The following RRM1 variants were observed in gnomAD, a reference collection of about 807,000 sequenced individuals.
RRM1 encodes ribonucleotide reductase catalytic subunit M1.
RRM1 carries 19 observed loss-of-function variants against 101.5 expected under a neutral mutation model. That is an observed-to-expected ratio of 0.19 (90% CI 0.13 to 0.27). The LOEUF is 0.27. Among genes scored for constraint, RRM1 ranks in the 10% least tolerant of loss-of-function variants. The probability of loss-of-function intolerance (pLI) is 1.00; values close to 1 mark genes in which losing one functional copy is unlikely to be tolerated. For missense variants in RRM1, 500 were observed against 962.9 expected, an observed-to-expected ratio of 0.52 and a Z score of 6.36; for synonymous variants, 298 against 323.4, an observed-to-expected ratio of 0.92 and a Z score of 0.84.
chr11:4,105,094 T>A (rs1235085588), intron 2 of RRM1, among the ~76,000 whole-genome samples: 32 of 152,196 alleles, frequency 2.1e-4, no homozygotes, highest in Non-Finnish European at 8.8e-5. Flanking sequence ...AAGGCTATAC[T>A]TAGATTTTTT....
chr11:4,103,979 G>A (rs1457709017), intron 2 of RRM1, among the ~76,000 whole-genome samples: 1 of 151,334 alleles, frequency 6.6e-6, no homozygotes, highest in Non-Finnish European at 1.5e-5. Context: ...TTGGTTGGGT[G>A]TGGTGGCGCA....
rs1025678151 is a variant in RRM1, at chr11:4,095,141, G to A, written c.19+110G>A. 5 of 1,174,040 alleles carry A rather than the reference G, an allele frequency of 4.3e-6. No homozygotes were observed. In the African/African-American group the frequency reaches 6.3e-5, roughly 15 times the overall value. 72.7% of individuals were successfully genotyped at this position (1,174,040 alleles called of 1,614,324 possible). A position where few individuals can be genotyped will look rare whatever the true frequency, so the allele number is the denominator to read the frequency against. ...GCCTTCGCTGCTTCCCGCCTTTCCC[G>A]CATTTCCCGCCGCGGCCTTCCGCCC... On this transcript the variant is annotated intron_variant, in intron 1 of 18. Transcript: ENST00000300738.
chr11:4,137,402 AC>A (rs1400395213), intron 18 of RRM1: 4 of 114,824 alleles, frequency 3.5e-5, no homozygotes, highest in South Asian at 4.6e-4. Context: ...CGGGGGGCTG[AC>A]CCCCCACCTC....
intron 18 of RRM1, 62 bp downstream of exon 18, chr11:4,135,332 A>T (rs1267551247): frequency 8.2e-6 from 11 of 1,333,956 alleles, no homozygotes; most frequent in African/African-American, 1.5e-5. Flanking sequence ...CATTGGAATG[A>T]TTTTATGTTT....
rs185421286 is a variant in RRM1 at position 4,100,430 on chromosome 11, G to A, written c.20-1563G>A. Among the ~76,000 whole-genome samples, 173 of 152,308 alleles carry A rather than the reference G, an allele frequency of 1.1e-3. 2 individuals carry two copies. Among genetic ancestry groups the A allele is most frequent in the Non-Finnish European group, 1.2e-3 (79 of 68,032 alleles). ...TGGAATATTCGCATTATACTTACTG[G>A]TTGGGCATCCCTAATCAGAAAATCC... On this transcript the variant is annotated intron_variant, in intron 1 of 18. Transcript: ENST00000300738.
intron 3 of RRM1, among the ~76,000 whole-genome samples, chr11:4,106,549 C>T (rs538672503): frequency 1.3e-5 from 2 of 152,260 alleles, no homozygotes; most frequent in Admixed American, 6.5e-5. Flanking sequence ...GAGTTTGAGA[C>T]CAGCCTGGCC....
At chr11:4,094,787 A>T (rs2094540535), upstream of RRM1, 1 of 592,626 alleles carries the variant, frequency 1.7e-6, no homozygotes, top group South Asian at 2.0e-5. Context: ...CGTCATTCGA[A>T]CCCCGTCGCG....
intron 8 of RRM1, chr11:4,119,297 T>A (rs2094578215): frequency 6.0e-6 from 1 of 166,350 alleles, no homozygotes. Flanking sequence ...AAGGCTTGTG[T>A]TGGGATCAGA....
At chr11:4,136,734 TTTTGTTTG>T (rs141754906) in intron 18 of RRM1, among the ~76,000 whole-genome samples, 38 of 148,300 alleles carry the variant, frequency 2.6e-4, no homozygotes, top group South Asian at 6.3e-4. Flanking sequence ...GAATGTATTT[TTTTGTTTG>T]TTTGTTTGTT....
At chr11:4,122,542 A>C (rs1473565343) in intron 11 of RRM1, among the ~76,000 whole-genome samples, 1 of 152,182 alleles carries the variant, frequency 6.6e-6, no homozygotes, top group Non-Finnish European at 1.5e-5. Context: ...GCATAAAGGA[A>C]TCATGAGTGA....
intron 1 of RRM1, 95 bp downstream of exon 1, chr11:4,095,126 C>CTTCCCGCCTTTCCCGCAT (rs2133279563): frequency 7.3e-7 from 1 of 1,379,284 alleles, no homozygotes; most frequent in Middle Eastern, 2.5e-4. Context: ...GCCTTCGCTG[C>CTTCCCGCCTTTCCCGCAT]TTCCCGCCTT....
chr11:4,121,402 C>T (rs910311131), intron 9 of RRM1, among the ~76,000 whole-genome samples: 7 of 152,068 alleles, frequency 4.6e-5, no homozygotes, highest in Non-Finnish European at 8.8e-5. Flanking sequence ...TTATATCATT[C>T]GTTCGTTTTT....
At chr11:4,130,065 T>TG (rs200807972) in intron 15 of RRM1, among the ~76,000 whole-genome samples, 1 of 91,098 alleles carries the variant, frequency 1.1e-5, no homozygotes, top group Non-Finnish European at 1.9e-5. Context: ...CTGTACTGTA[T>TG]TTATATATAT....
At chr11:4,110,994 A>G (rs2133296364) in intron 5 of RRM1, among the ~76,000 whole-genome samples, 1 of 152,034 alleles carries the variant, frequency 6.6e-6, no homozygotes, top group South Asian at 2.1e-4. Context: ...GAAGTTGATG[A>G]TGATGATGAA....
In RRM1 at chr11:4,127,151, G is replaced by A; in HGVS notation, c.1587G>A (p.Lys529=). The part of the protein sequence containing the change: ...FESAEAQLLN[K]QIFETIYYGA... Reference sequence around the variant, plus strand: ...GTGCAGAAGCCCAGTTACTGAATAAGCAGATCTTTGAAACTATTTATTATG... The same window carrying A: ...GTGCAGAAGCCCAGTTACTGAATAAACAGATCTTTGAAACTATTTATTATG... Residue 529 remains lysine (K), a synonymous_variant, in exon 14 of 19, where the codon AAG becomes AAA. Coordinates refer to ENST00000300738, the MANE Select transcript of RRM1 (RefSeq NM_001033.5). 6.2e-7 allele frequency: 1 copy of A among 1,614,080 alleles called. No homozygotes were observed. The highest frequency in any genetic ancestry group is 8.5e-7 in the Non-Finnish European group (1 of 1,179,994).
At position 4,119,881 on chromosome 11, in the gene RRM1, A is replaced by G. The variant is rs1262190186; in HGVS notation, c.829A>G (p.Arg277Gly). 3 of 1,607,578 alleles carry G rather than the reference A, an allele frequency of 1.9e-6. No homozygotes were observed. In the Admixed American group the frequency reaches 5.0e-5, roughly 27 times the overall value. Residue 277 changes from arginine (R) to glycine (G), a missense_variant, in exon 9 of 19, where the codon AGA becomes GGA. Physicochemically the swap from Arg to Gly is moderately radical, Grantham distance 125 (BLOSUM62 -2). Around this residue, in one of 9 missense-constraint regions of RRM1, gnomAD observed 111 missense variants for 219.8 expected, o/e 0.51. Coordinates refer to ENST00000300738, the MANE Select transcript of RRM1 (RefSeq NM_001033.5). ...GNSNGLVPML[R>G]VYNNTARYVD... The stretch of plus-strand genomic sequence containing the variant: ...TTCCAATGGCCTTGTACCGATGCTG[A>G]GAGTATATAACAACACAGCTCGATA...
At chr11:4,129,957 C>T (rs2094596328) in intron 15 of RRM1, among the ~76,000 whole-genome samples, 2 of 150,124 alleles carry the variant, frequency 1.3e-5, no homozygotes, top group South Asian at 4.2e-4. Flanking sequence ...CCCCAGAAAA[C>T]CTGTGTGCAT....
chr11:4,102,154 C>T, intron 2 of RRM1, 73 bp downstream of exon 2: 3 of 773,126 alleles, frequency 3.9e-6, no homozygotes, highest in Non-Finnish European at 6.8e-6. Context: ...TATCCCTGGA[C>T]CTTCATTCAC....
upstream of RRM1, chr11:4,094,778 G>A: frequency 1.7e-6 from 1 of 586,718 alleles, no homozygotes; most frequent in Non-Finnish European, 3.1e-6. Context: ...GTCGAGTAAC[G>A]TCATTCGAAC....
Sources: gnomAD v4.1 joint callset for allele counts (sites outside exome capture counted in the v4.1 genomes callset) on GRCh38, gnomAD v4.1.1 for gene constraint, gnomAD v4.1.1 regional missense constraint, MANE v1.5 for transcripts, NCBI Gene and HGNC (gene_info 2026-07-23, HGNC 2026-07-21) for gene names.